TENM2: variants seen among roughly 807,000 people sequenced by gnomAD.
TENM2 encodes teneurin transmembrane protein 2, also known as teneurin-2.
TENM2 carries 52 observed loss-of-function variants against 245.2 expected under a neutral mutation model. The observed-to-expected ratio is 0.21, with a 90% CI of 0.17 to 0.27. The LOEUF is 0.27. TENM2 is among the 10% of genes least tolerant of loss of function. TENM2 has a pLI of 1.00. For missense variants in TENM2, 3,046 were observed against 3,666.8 expected (o/e 0.83, Z 4.37); for synonymous variants, 1,363 against 1,438.9 (o/e 0.95, Z 1.19).
intron 2 of TENM2, among the ~76,000 whole-genome samples, chr5:167,452,174 T>TGCTTCTG (rs1262886389): frequency 3.3e-5 from 5 of 152,234 alleles, no homozygotes; most frequent in Non-Finnish European, 7.3e-5. Context: ...GCTATGTACT[T>TGCTTCTG]GCTTCTGGCT....
intron 24 of TENM2, among the ~76,000 whole-genome samples, chr5:168,227,309 A>AGTCT (rs113808615): frequency 1.3e-5 from 2 of 152,272 alleles, no homozygotes; most frequent in African/African-American, 4.8e-5. Flanking sequence ...GATGTATTTG[A>AGTCT]GTCTCTTCAG....
intron 2 of TENM2, among the ~76,000 whole-genome samples, chr5:167,468,663 C>G (rs774089262): frequency 2.0e-5 from 3 of 152,170 alleles, no homozygotes; most frequent in Non-Finnish European, 4.4e-5. Flanking sequence ...TAGCAATTCT[C>G]TTTTTATGAT....
intron 13 of TENM2, among the ~76,000 whole-genome samples, chr5:168,181,485 T>C (rs2152491497): frequency 6.6e-6 from 1 of 152,192 alleles, no homozygotes; most frequent in East Asian, 1.9e-4. Context: ...GCCTCCTCTC[T>C]GCCAGATCTC....
chr5:167,812,844 G>A (rs1238343213), intron 2 of TENM2, among the ~76,000 whole-genome samples: 2 of 152,202 alleles, frequency 1.3e-5, no homozygotes, highest in Admixed American at 1.3e-4. Context: ...AGGGACAGAA[G>A]AGAAGCAATA....
the TENM2 span, among the ~76,000 whole-genome samples, chr5:167,127,648 GA>G: frequency 2.0e-4 from 27 of 132,986 alleles, no homozygotes; most frequent in South Asian, 4.9e-4. Context: ...AAAGGAAAAG[GA>G]AAAAAAAAAG....
intron 2 of TENM2, among the ~76,000 whole-genome samples, chr5:167,614,847 G>A (rs1437474448): frequency 9.9e-5 from 15 of 152,038 alleles, no homozygotes; most frequent in East Asian, 1.9e-4. Context: ...CATCAATCCC[G>A]CATCCCCTTT....
At chr5:168,080,372 A>C (rs1349519809) in intron 7 of TENM2, among the ~76,000 whole-genome samples, 1 of 152,092 alleles carries the variant, frequency 6.6e-6, no homozygotes, top group Non-Finnish European at 1.5e-5. Flanking sequence ...TGATCTTTTC[A>C]AAAAACCAGC....
chr5:167,636,409 C>T (rs183821767), intron 2 of TENM2, among the ~76,000 whole-genome samples: 75 of 152,230 alleles, frequency 4.9e-4, no homozygotes, highest in African/African-American at 1.5e-3. Context: ...TGTTTTACTT[C>T]GGGATGTAGA....
chr5:167,352,816 A>C (rs1305643144), intron 1 of TENM2, among the ~76,000 whole-genome samples: 3 of 152,240 alleles, frequency 2.0e-5, no homozygotes, highest in Non-Finnish European at 4.4e-5. Flanking sequence ...GCAAAATAAT[A>C]AGTTATTTAA....
intron 13 of TENM2, among the ~76,000 whole-genome samples, chr5:168,182,768 C>G (rs1417309923): frequency 6.6e-6 from 1 of 151,612 alleles, no homozygotes; most frequent in Non-Finnish European, 1.5e-5. Context: ...AGGAGCACCT[C>G]AGTCCAGACT....
chr5:167,656,969 A>G (rs1754884116), intron 2 of TENM2, among the ~76,000 whole-genome samples: 1 of 150,454 alleles, frequency 6.6e-6, no homozygotes, highest in East Asian at 2.0e-4. Context: ...CATTGGAAAC[A>G]TTCAAAATCT....
the TENM2 span, among the ~76,000 whole-genome samples, chr5:166,987,577 A>G: frequency 6.6e-6 from 1 of 152,060 alleles, no homozygotes; most frequent in Non-Finnish European, 1.5e-5. Context: ...ATGATTAAGT[A>G]AAGGGTAAAG....
At chr5:167,500,027 G>GGT (rs145940706) in intron 2 of TENM2, among the ~76,000 whole-genome samples, 5,260 of 136,672 alleles carry the variant, frequency 0.038, 329 homozygotes, top group East Asian at 0.31. Flanking sequence ...TGTATGTGAG[G>GGT]GTGTGTGTGT....
At chr5:167,392,824 T>C (rs1247615809) in intron 2 of TENM2, among the ~76,000 whole-genome samples, 1 of 152,198 alleles carries the variant, frequency 6.6e-6, no homozygotes, top group East Asian at 1.9e-4. Context: ...AGTTAGTTAT[T>C]GGGCATCTAT....
chr5:167,858,323 G>A (rs998380486), intron 2 of TENM2, among the ~76,000 whole-genome samples: 5 of 152,234 alleles, frequency 3.3e-5, no homozygotes, highest in African/African-American at 1.2e-4. Flanking sequence ...GGGCATTTTT[G>A]CATGTGCAAA....
chr5:167,788,963 G>T (rs1388200039), intron 2 of TENM2, among the ~76,000 whole-genome samples: 1 of 152,058 alleles, frequency 6.6e-6, no homozygotes, highest in Non-Finnish European at 1.5e-5. Flanking sequence ...AATCTTTGTG[G>T]GTCAAGCTGA....
chr5:166,997,024 C>T, the TENM2 span, among the ~76,000 whole-genome samples: 1 of 152,086 alleles, frequency 6.6e-6, no homozygotes, highest in African/African-American at 2.4e-5. Context: ...ATTGATTCCC[C>T]CTTACCTATG....
intron 2 of TENM2, among the ~76,000 whole-genome samples, chr5:167,747,099 CAT>C (rs1761640686): frequency 6.6e-6 from 1 of 152,080 alleles, no homozygotes; most frequent in South Asian, 2.1e-4. Flanking sequence ...TGCATTTACA[CAT>C]GTGTCAGGAG....
the TENM2 span, among the ~76,000 whole-genome samples, chr5:167,066,304 A>G: frequency 6.6e-6 from 1 of 152,190 alleles, no homozygotes; most frequent in Non-Finnish European, 1.5e-5. Flanking sequence ...CACAAAGGTC[A>G]GACTCTTTTG....
Sources: gnomAD v4.1 joint callset for allele counts (sites outside exome capture counted in the v4.1 genomes callset) on GRCh38, gnomAD v4.1.1 for gene constraint, MANE v1.5 for transcripts, NCBI Gene and HGNC (gene_info 2026-07-23, HGNC 2026-07-21) for gene names.